MGMT: variants seen among roughly 807,000 people sequenced by gnomAD.
The protein encoded by MGMT is methylated-DNA--protein-cysteine methyltransferase.
Under a neutral mutation model 15.9 loss-of-function variants are expected in MGMT, and 14 were observed. The ratio of observed to expected loss-of-function variants is 0.88; its 90% confidence interval spans 0.58 to 1.37. The LOEUF (loss-of-function observed/expected upper bound fraction) is 1.37, where lower values mean the gene tolerates loss of function less well. Among genes scored for constraint, MGMT ranks in the 40% most tolerant of loss-of-function variants. MGMT has a pLI of 0.00. For synonymous variants in MGMT, 130 were observed against 118.2 expected, an observed-to-expected ratio of 1.10 and a Z score of -0.65; for missense variants, 282 against 268.1, an observed-to-expected ratio of 1.05 and a Z score of -0.36.
intron 1 of MGMT, among the ~76,000 whole-genome samples, chr10:129,535,838 T>C (rs1845978105): frequency 6.6e-6 from 1 of 152,256 alleles, no homozygotes; most frequent in African/African-American, 2.4e-5. Context: ...ATTCCAAATA[T>C]TGAACAGTTT....
intron 2 of MGMT, among the ~76,000 whole-genome samples, chr10:129,582,702 C>T (rs1379659979): frequency 1.3e-5 from 2 of 151,876 alleles, no homozygotes; most frequent in East Asian, 1.9e-4. Context: ...TCTAAATCCC[C>T]GGCAGTTTCC....
Position 129,769,257 on chromosome 10 carries a change from CG to C in MGMT, c.*2264del, listed in dbSNP as rs1284271279. 1.3e-5 allele frequency: 2 copies of C among 152,240 alleles called. No homozygotes were observed. Among genetic ancestry groups the C allele is most frequent in the Non-Finnish European group, 2.9e-5 (2 of 68,066 alleles). The allele number at this position is 152,240 out of a possible 1,614,324, so 9.4% of individuals were successfully genotyped here. On this transcript the variant is annotated 3_prime_UTR_variant, in exon 5 of 5. Transcript: ENST00000651593. ...GCCGCAGCAGCAGGGCTCAAACCGG[CG>C]GGGCCGTGTACCGCTCCAAGGACAA... is the stretch of plus-strand genomic sequence containing the variant.
chr10:129,730,600 A>G (rs915103433), intron 3 of MGMT, among the ~76,000 whole-genome samples: 1 of 152,190 alleles, frequency 6.6e-6, no homozygotes, highest in African/African-American at 2.4e-5. Context: ...AATTCGCAGA[A>G]TTCCTCAGAC....
chr10:129,550,281 A>G (rs59050618), intron 2 of MGMT, among the ~76,000 whole-genome samples: 9 of 139,344 alleles, frequency 6.5e-5, no homozygotes, highest in Middle Eastern at 3.9e-3. Flanking sequence ...CATCACCGCC[A>G]CCCAGCACCG....
chr10:129,535,122 T>C (rs1845971610), intron 1 of MGMT, among the ~76,000 whole-genome samples: 1 of 152,206 alleles, frequency 6.6e-6, no homozygotes, highest in Admixed American at 6.5e-5. Context: ...TGCTTTGTTG[T>C]TCTCAGTGAA....
At chr10:129,564,495 C>T (rs1475977946) in intron 2 of MGMT, among the ~76,000 whole-genome samples, 45 of 97,240 alleles carry the variant, frequency 4.6e-4, no homozygotes, top group Non-Finnish European at 6.0e-4. Context: ...CTTCCTCCTC[C>T]CCTCCTCCTC....
At chr10:129,498,274 T>G (rs1845542829) in intron 1 of MGMT, among the ~76,000 whole-genome samples, 1 of 152,212 alleles carries the variant, frequency 6.6e-6, no homozygotes, top group South Asian at 2.1e-4. Flanking sequence ...CATTTCCTCT[T>G]GGTAATTGAA....
intron 2 of MGMT, among the ~76,000 whole-genome samples, chr10:129,585,868 T>G: frequency 6.6e-6 from 1 of 152,120 alleles, no homozygotes; most frequent in South Asian, 2.1e-4. Context: ...TATGGAACCA[T>G]TATAACAACA....
At chr10:129,725,555 G>C (rs1384365893) in intron 3 of MGMT, among the ~76,000 whole-genome samples, 1 of 152,212 alleles carries the variant, frequency 6.6e-6, no homozygotes, top group East Asian at 1.9e-4. Context: ...ACCTTTTCCA[G>C]GTGGTGGTTT....
intron 2 of MGMT, among the ~76,000 whole-genome samples, chr10:129,694,621 T>C (rs1216102102): frequency 2.6e-5 from 4 of 152,202 alleles, no homozygotes; most frequent in East Asian, 3.9e-4. Flanking sequence ...CCCCCCTGTT[T>C]GTTCTTGTGA....
intron 2 of MGMT, among the ~76,000 whole-genome samples, chr10:129,598,935 C>T (rs181659230): frequency 5.3e-5 from 8 of 152,338 alleles, no homozygotes; most frequent in Admixed American, 4.6e-4. Context: ...TTACTCACCT[C>T]TTGTTGTCTC....
intron 3 of MGMT, among the ~76,000 whole-genome samples, chr10:129,757,019 C>G (rs1411513080): frequency 6.6e-6 from 1 of 152,230 alleles, no homozygotes; most frequent in African/African-American, 2.4e-5. Flanking sequence ...TCTTTGAGAG[C>G]TGCTTCAACT....
At chr10:129,585,864 A>G (rs574853866) in intron 2 of MGMT, among the ~76,000 whole-genome samples, 32 of 152,260 alleles carry the variant, frequency 2.1e-4, no homozygotes, top group African/African-American at 7.2e-4. Flanking sequence ...AGTCTATGGA[A>G]CCATTATAAC....
chr10:129,609,947 C>G (rs1051525055), intron 2 of MGMT, among the ~76,000 whole-genome samples: 1 of 152,090 alleles, frequency 6.6e-6, no homozygotes, highest in African/African-American at 2.4e-5. Context: ...CATCGAGATG[C>G]CCAGTGACGT....
chr10:129,521,817 G>C (rs1157922419), intron 1 of MGMT, among the ~76,000 whole-genome samples: 1 of 152,246 alleles, frequency 6.6e-6, no homozygotes, highest in Admixed American at 6.5e-5. Context: ...GCTGAGGCCT[G>C]TGCAGCCTCC....
chr10:129,688,884 G>C (rs1459694783), intron 2 of MGMT, among the ~76,000 whole-genome samples: 2 of 152,088 alleles, frequency 1.3e-5, no homozygotes, highest in African/African-American at 4.8e-5. Context: ...TTGCAGCTCA[G>C]AATGCACTTA....
In MGMT at chr10:129,696,511, A is replaced by C. The variant is rs149619116; in HGVS notation, c.126-11384A>C. 3.1e-3 allele frequency among the ~76,000 whole-genome samples: 479 copies of C among 152,366 alleles called. 4 individuals are homozygous for C. The highest frequency in any genetic ancestry group is 0.011 in the African/African-American group (438 of 41,592). The stretch of plus-strand genomic sequence containing the variant: ...CCACAAAATCTGAAAAGGCAGAGAA[A>C]TGTAGCTTTCACTGTTTAGAAAATC... On this transcript the variant is annotated intron_variant, in intron 2 of 4. Coordinates refer to ENST00000651593, the MANE Select transcript of MGMT (RefSeq NM_002412.5).
At chr10:129,676,278 T>C (rs373354041) in intron 2 of MGMT, among the ~76,000 whole-genome samples, 3 of 152,316 alleles carry the variant, frequency 2.0e-5, no homozygotes, top group East Asian at 3.9e-4. Context: ...TCCTTGGTAA[T>C]GGGACACTTT....
chr10:129,666,705 C>T (rs542810935), intron 2 of MGMT, among the ~76,000 whole-genome samples: 2 of 151,760 alleles, frequency 1.3e-5, no homozygotes, highest in Non-Finnish European at 2.9e-5. Context: ...TTGTTTATTC[C>T]TTCCTAATAT....
Sources: gnomAD v4.1 joint callset for allele counts (sites outside exome capture counted in the v4.1 genomes callset) on GRCh38, gnomAD v4.1.1 for gene constraint, MANE v1.5 for transcripts, NCBI Gene and HGNC (gene_info 2026-07-23, HGNC 2026-07-21) for gene names.